Variants in PDE10A observed in about 807,000 individuals in gnomAD.
The protein encoded by PDE10A is cAMP and cAMP-inhibited cGMP 3',5'-cyclic phosphodiesterase 10A.
PDE10A carries 39 observed loss-of-function variants against 97.7 expected under a neutral mutation model. That is an observed-to-expected ratio of 0.40 (90% CI 0.31 to 0.52). The LOEUF (loss-of-function observed/expected upper bound fraction) is 0.52, where lower values mean the gene tolerates loss of function less well. PDE10A is among the 20% of genes least tolerant of loss of function. The probability of loss-of-function intolerance (pLI) is 0.56; values close to 1 mark genes in which losing one functional copy is unlikely to be tolerated. For missense variants in PDE10A, 731 were observed against 1,047.8 expected, an observed-to-expected ratio of 0.70 and a Z score of 4.17; for synonymous variants, 371 against 376.8, an observed-to-expected ratio of 0.98 and a Z score of 0.18.
chr6:165,465,306 G>A (rs1031844708), intron 3 of PDE10A, among the ~76,000 whole-genome samples: 2 of 152,172 alleles, frequency 1.3e-5, no homozygotes, highest in African/African-American at 4.8e-5. Flanking sequence ...GGAGGCCACT[G>A]ATTCTTTGCA....
intron 1 of PDE10A, among the ~76,000 whole-genome samples, chr6:165,640,981 G>T (rs554748502): frequency 6.6e-6 from 1 of 152,342 alleles, no homozygotes; most frequent in African/African-American, 2.4e-5. Flanking sequence ...GTCAGAAGAG[G>T]TGTCTTAAAT....
At chr6:165,633,474 C>T (rs755985) in intron 1 of PDE10A, among the ~76,000 whole-genome samples, 128,260 of 152,190 alleles carry the variant, frequency 0.84, 54,174 homozygotes, top group East Asian at 0.89. Flanking sequence ...AAAACCCCCT[C>T]GGAAGGGAGA....
In PDE10A at chr6:165,542,705, G is replaced by A. The variant is rs553340269; in HGVS notation, c.994+735C>T. On this transcript the variant is annotated intron_variant, in intron 2 of 21. Transcript: ENST00000539869. ...GCGATCTCGGCTCACTGCAAGCTCC[G>A]CCTCCCGGGTTCACGCCATTCTCCT... 5.2e-5 allele frequency among the ~76,000 whole-genome samples: 7 copies of A among 134,950 alleles called. No homozygotes were observed. The South Asian group carries it at 1.3e-3, about 24-fold the overall frequency. The allele number at this position is 134,950 out of a possible 152,430, so 88.5% of individuals were successfully genotyped here.
intron 1 of PDE10A, among the ~76,000 whole-genome samples, chr6:165,725,317 C>G (rs113425548): frequency 0.01 from 1,544 of 152,310 alleles, 27 homozygotes; most frequent in African/African-American, 0.036. Context: ...CTGCAGATGG[C>G]AAAACAAAAA....
intron 1 of PDE10A, among the ~76,000 whole-genome samples, chr6:165,911,784 C>A (rs1306730611): frequency 6.6e-6 from 1 of 152,220 alleles, no homozygotes; most frequent in Non-Finnish European, 1.5e-5. Flanking sequence ...GACTGAAGCA[C>A]CTGCAAACAT....
intron 17 of PDE10A, among the ~76,000 whole-genome samples, chr6:165,385,055 C>T (rs925563335): frequency 2.0e-5 from 3 of 151,994 alleles, no homozygotes; most frequent in African/African-American, 7.3e-5. Context: ...TATTATGAAA[C>T]TATATATTGT....
At chr6:165,821,505 CTTG>C (rs779433715) in intron 1 of PDE10A, among the ~76,000 whole-genome samples, 406 of 150,598 alleles carry the variant, frequency 2.7e-3, no homozygotes, top group Middle Eastern at 6.8e-3. Flanking sequence ...CTCTGTTCAA[CTTG>C]TTTATAATTA....
intron 1 of PDE10A, among the ~76,000 whole-genome samples, chr6:165,720,166 T>G (rs1792130042): frequency 6.6e-6 from 1 of 152,170 alleles, no homozygotes; most frequent in African/African-American, 2.4e-5. Context: ...GGCTGTTCCG[T>G]GTGGAAATCA....
chr6:165,916,563 G>A (rs957035607), intron 1 of PDE10A, among the ~76,000 whole-genome samples: 6 of 152,216 alleles, frequency 3.9e-5, no homozygotes, highest in African/African-American at 1.4e-4. Flanking sequence ...AAGACCTAAT[G>A]ACAAAGGAGC....
chr6:165,569,662 CCCT>C (rs1462898278), intron 1 of PDE10A, among the ~76,000 whole-genome samples: 5 of 152,098 alleles, frequency 3.3e-5, no homozygotes, highest in Admixed American at 6.6e-5. Context: ...TAAACTCATA[CCCT>C]CCTCTTAAAT....
intron 1 of PDE10A, among the ~76,000 whole-genome samples, chr6:165,619,653 T>C (rs1233329813): frequency 6.7e-6 from 1 of 150,218 alleles, no homozygotes; most frequent in Non-Finnish European, 1.5e-5. Context: ...TATAGTCTAG[T>C]GTAGTATAGT....
chr6:165,512,970 A>G (rs1318262373), intron 2 of PDE10A, among the ~76,000 whole-genome samples: 1 of 151,986 alleles, frequency 6.6e-6, no homozygotes, highest in Non-Finnish European at 1.5e-5. Context: ...GAGATCATTC[A>G]TACTCAGATC....
intron 3 of PDE10A, among the ~76,000 whole-genome samples, chr6:165,474,566 T>C (rs906861213): frequency 6.6e-6 from 1 of 152,152 alleles, no homozygotes; most frequent in Admixed American, 6.5e-5. Context: ...GGTGATGAAC[T>C]AATCTTTACA....
chr6:165,979,046 T>A (rs984519823), intron 1 of PDE10A, among the ~76,000 whole-genome samples: 97 of 152,314 alleles, frequency 6.4e-4, no homozygotes, highest in African/African-American at 2.3e-3. Context: ...TTCATTCAGA[T>A]GTCAACTCTG....
intron 1 of PDE10A, among the ~76,000 whole-genome samples, chr6:165,586,009 C>T (rs1785891927): frequency 1.3e-5 from 2 of 152,104 alleles, no homozygotes; most frequent in Admixed American, 6.5e-5. Context: ...GGACACCATA[C>T]CCCATACCCC....
At position 165,503,597 on chromosome 6, in the gene PDE10A, G is replaced by T. The variant is rs115106699; in HGVS notation, c.995-21254C>A. On this transcript the variant is annotated intron_variant, in intron 2 of 21. Transcript: ENST00000539869. ...GAGGATCAACATTGAAAAGCCAAAG[G>T]CTCCTTTTCTTCACTACTATGATGT... Among the ~76,000 whole-genome samples the T allele has an allele frequency of 2.8e-3, 432 of 152,168 alleles. 3 individuals are homozygous for T. The highest frequency in any genetic ancestry group is 9.7e-3 in the African/African-American group (404 of 41,514).
chr6:165,450,076 C>T (rs1018333322), intron 4 of PDE10A, among the ~76,000 whole-genome samples, 166 bp downstream of exon 4: 5 of 152,278 alleles, frequency 3.3e-5, no homozygotes, highest in Middle Eastern at 6.8e-3. Context: ...TTAGGTTTGA[C>T]TCACCTCTGG....
intron 6 of PDE10A, 143 bp downstream of exon 6, chr6:165,435,094 A>G: frequency 1.3e-6 from 1 of 770,366 alleles, no homozygotes. Context: ...AAATTAACTT[A>G]CACATTAATA....
At chr6:165,848,759 C>T (rs922913845) in intron 1 of PDE10A, among the ~76,000 whole-genome samples, 33 of 151,954 alleles carry the variant, frequency 2.2e-4, no homozygotes, top group African/African-American at 7.5e-4. Flanking sequence ...GAACAGTGGC[C>T]GGGGGAATCA....
Sources: allele counts gnomAD v4.1 joint callset (sites outside exome capture counted in the v4.1 genomes callset), GRCh38; gene constraint gnomAD v4.1.1; transcripts MANE v1.5; gene names NCBI Gene and HGNC (gene_info 2026-07-23, HGNC 2026-07-21).